Variants in CASTOR1 observed in about 807,000 individuals in gnomAD.
CASTOR1 encodes the protein GATS protein like 3.
CASTOR1 carries 18 observed loss-of-function variants against 33.7 expected under a neutral mutation model. The ratio of observed to expected loss-of-function variants is 0.53; its 90% CI spans 0.37 to 0.79. CASTOR1 has a LOEUF of 0.79. CASTOR1 is among the 30% of genes least tolerant of loss of function. The pLI, the probability that CASTOR1 is intolerant of heterozygous loss-of-function variation, is 0.00. For synonymous variants in CASTOR1, 175 were observed against 190.6 expected (o/e 0.92, Z 0.67); for missense variants, 362 against 446.3 (o/e 0.81, Z 1.70).
chr22:30,287,305 G>A lies in CASTOR1; in HGVS notation c.373-18C>T, dbSNP rs1194916269. The A allele has an allele frequency of 4.4e-6, 7 of 1,574,546 alleles. No homozygotes were observed. The highest frequency in any genetic ancestry group is 6.1e-6 in the Non-Finnish European group (7 of 1,156,232). The stretch of plus-strand genomic sequence containing the variant: ...TCCCGCACCTGGGCCACAGCAGATG[G>A]CACATCACATGGGCTCCCAGGTACC... On this transcript the variant is annotated intron_variant, in intron 3 of 8. Coordinates refer to ENST00000407689, the MANE Select transcript of CASTOR1 (RefSeq NM_001037666.3).
chr22:30,287,830 TG>T (rs1300103454), intron 2 of CASTOR1: 1 of 657,038 alleles, frequency 1.5e-6, no homozygotes, highest in Admixed American at 2.1e-5. Flanking sequence ...TCTTATGACC[TG>T]GGGTGGGTGA....
intron 1 of CASTOR1, 55 bp from the exon 2 acceptor site, chr22:30,288,831 G>C: frequency 6.7e-7 from 1 of 1,482,910 alleles, no homozygotes; most frequent in South Asian, 1.2e-5. Context: ...GGGGTCGGGA[G>C]TGGATTTCTC....
In CASTOR1 at chr22:30,289,478, T is replaced by C; in HGVS notation, c.20A>G (p.Glu7Gly). 6.3e-7 allele frequency: 1 copy of C among 1,593,608 alleles called. No individual in the cohort carries two copies. The highest frequency in any genetic ancestry group is 8.5e-7 in the Non-Finnish European group (1 of 1,174,502). The part of the protein sequence containing the change: MELHIL[E>G]HRVRVLSVAR... ...GACGCTCAGCACCCGCACCCGGTGT[T>C]CTAGGATGTGCAGCTCCATCGCGGC... The change falls in exon 1 of 9, where the codon GAA (glutamate) becomes GGA (glycine). Residue 7 changes from glutamate (E) to glycine (G), a missense_variant. Coordinates refer to ENST00000407689, the MANE Select transcript of CASTOR1 (RefSeq NM_001037666.3).
intron 5 of CASTOR1, 26 bp downstream of exon 5, chr22:30,286,799 G>T: frequency 1.2e-6 from 2 of 1,613,808 alleles, no homozygotes; most frequent in Non-Finnish European, 8.5e-7. Context: ...GTGCTGTGAG[G>T]ACAAAGACGA....
At chr22:30,285,737 G>A (rs1929739247) in intron 8 of CASTOR1, 49 bp from the exon 9 acceptor site, 1 of 1,532,078 alleles carries the variant, frequency 6.5e-7, no homozygotes, top group African/African-American at 1.4e-5. Flanking sequence ...AGCTGGCCAG[G>A]GCCACCCCTG....
intron 5 of CASTOR1, chr22:30,286,609 C>T (rs1929776962): frequency 2.8e-6 from 2 of 704,848 alleles, no homozygotes; most frequent in South Asian, 1.7e-5. Context: ...GAGGGCCAGA[C>T]CAGGGCATGG....
At chr22:30,288,580 G>T in intron 2 of CASTOR1, 126 bp downstream of exon 2, 2 of 745,248 alleles carry the variant, frequency 2.7e-6, no homozygotes, top group South Asian at 1.7e-5. Flanking sequence ...AGTAGGATTC[G>T]AACCCCGACC....
chr22:30,285,830 A>AG lies in CASTOR1; in HGVS notation c.921+1_921+2insC, dbSNP rs780677610. ...CCCTCTGCCCCAGCCCTTGGTGCTC[A>AG]CCAGGGCGTGGTCGAAGTTGAAGGT... On this transcript the variant is annotated splice_donor_variant, in intron 8 of 8. Transcript: ENST00000407689. LOFTEE classifies it high-confidence loss of function. The AG allele has an allele frequency of 2.6e-6, 1 of 380,910 alleles. No homozygotes were observed. The highest frequency in any genetic ancestry group is 3.6e-6 in the Non-Finnish European group (1 of 280,208). 23.6% of individuals were successfully genotyped at this position (380,910 alleles called of 1,614,324 possible). A position where few individuals can be genotyped will look rare whatever the true frequency, so the allele number is the denominator to read the frequency against.
chr22:30,285,728 G>T, intron 8 of CASTOR1, 40 bp from the exon 9 acceptor site: 1 of 1,532,928 alleles, frequency 6.5e-7, no homozygotes, highest in Non-Finnish European at 8.8e-7. Context: ...CAAGGCGGAA[G>T]CTGGCCAGGG....
intron 6 of CASTOR1, 54 bp from the exon 7 acceptor site, chr22:30,286,152 C>T (rs1029674366): frequency 2.1e-5 from 31 of 1,454,920 alleles, no homozygotes; most frequent in Admixed American, 5.8e-5. Flanking sequence ...CCTGCCTGAC[C>T]GTGAGCTCTG....
intron 6 of CASTOR1, 74 bp from the exon 7 acceptor site, chr22:30,286,172 CA>C: frequency 7.0e-7 from 1 of 1,425,180 alleles, no homozygotes; most frequent in Admixed American, 1.9e-5. Context: ...GGGACAGGTA[CA>C]CCTGCTGACC....
intron 2 of CASTOR1, chr22:30,287,902 C>T (rs1186239380): frequency 5.6e-6 from 3 of 531,052 alleles, no homozygotes; most frequent in Non-Finnish European, 1.1e-5. Flanking sequence ...ACTACGGTGT[C>T]TTCTGTGGGT....
chr22:30,286,825 C>T lies in CASTOR1; in HGVS notation c.629G>A (p.Ser210Asn). ...TLIDVLFYSHSTPKEAASSSP... is the reference protein window; with the variant it reads ...TLIDVLFYSHNTPKEAASSSP... ...ACAAAGACGAAGTTCCAAGGTCCACCTGTGCGAGTAGAAGAGGACATCTAT... is the reference window on the plus strand; with the variant it reads ...ACAAAGACGAAGTTCCAAGGTCCACTTGTGCGAGTAGAAGAGGACATCTAT... Residue 210 changes from serine to asparagine, a missense_variant and splice_region_variant, in exon 5 of 9, where the codon AGC becomes AAC. Ser to Asn is a conservative substitution (Grantham distance 46, BLOSUM62 1). Transcript: ENST00000407689. 1 of 1,613,950 alleles carries T rather than the reference C, an allele frequency of 6.2e-7. No individual in the cohort carries two copies. The highest frequency in any genetic ancestry group is 8.5e-7 in the Non-Finnish European group (1 of 1,179,948).
chr22:30,287,039 T>TC, intron 4 of CASTOR1, 91 bp from the exon 5 acceptor site: 1 of 1,554,084 alleles, frequency 6.4e-7, no homozygotes, highest in Non-Finnish European at 8.7e-7. Flanking sequence ...CAGGGGCAGG[T>TC]CTTGCTATCC....
At chr22:30,288,285 C>T (rs1929835340) in intron 2 of CASTOR1, among the ~76,000 whole-genome samples, 2 of 151,930 alleles carry the variant, frequency 1.3e-5, no homozygotes, top group African/African-American at 4.9e-5. Flanking sequence ...TTCCCTCAGA[C>T]TCCTGGAGTT....
In CASTOR1 at chr22:30,287,153, A is replaced by G; in HGVS notation, c.505+2T>C. On this transcript the variant is annotated splice_donor_variant, in intron 4 of 8. Transcript: ENST00000407689. LOFTEE classifies it high-confidence loss of function. ...GTCCAAGTGTCAGGGGGCGGCCCTC[A>G]CCATGCTGAGTGCGGGGAAAGCCAT... is the stretch of plus-strand genomic sequence containing the variant. 1 of 1,609,298 alleles carries G rather than the reference A, an allele frequency of 6.2e-7. No individual in the cohort carries two copies. Among genetic ancestry groups the G allele is most frequent in the Non-Finnish European group, 8.5e-7 (1 of 1,177,052 alleles).
chr22:30,285,833 A>C lies in CASTOR1; in HGVS notation c.920T>G (p.Leu307Arg), dbSNP rs201496296. 4 of 401,776 alleles carry C rather than the reference A, an allele frequency of 1.0e-5. No individual in the cohort carries two copies. Among genetic ancestry groups the C allele is most frequent in the African/African-American group, 2.6e-4 (2 of 7,626 alleles). The allele number at this position is 401,776 out of a possible 1,614,324, so 24.9% of individuals were successfully genotyped here. Residue 307 changes from leucine (L) to arginine (R), a missense_variant and splice_region_variant, in exon 8 of 9, where the codon CTG becomes CGG. By Grantham distance (102) the Leu-to-Arg change is moderately radical (BLOSUM62 -2). Coordinates refer to ENST00000407689, the MANE Select transcript of CASTOR1 (RefSeq NM_001037666.3). ...TCTGCCCCAGCCCTTGGTGCTCACC[A>C]GGGCGTGGTCGAAGTTGAAGGTGCT... Reference protein sequence around the residue: ...YISTFNFDHALVPEDGIGSVI... With the variant: ...YISTFNFDHARVPEDGIGSVI...
At chr22:30,288,111 G>A (rs1929829769) in intron 2 of CASTOR1, among the ~76,000 whole-genome samples, 1 of 152,270 alleles carries the variant, frequency 6.6e-6, no homozygotes, top group African/African-American at 2.4e-5. Flanking sequence ...GGCAGGGCCA[G>A]CAGCAGGAGG....
rs765960916 is a variant in CASTOR1, at chr22:30,289,379, G to A, written c.113+6C>T. On this transcript the variant is annotated splice_donor_region_variant and intron_variant, in intron 1 of 8. Transcript: ENST00000407689. The stretch of plus-strand genomic sequence containing the variant: ...CCTATCTGCGCTCCCGAACCCGGGC[G>A]CGCACCGGCTGCGGCGGGGCAGGAA... The A allele has an allele frequency of 3.1e-6, 5 of 1,593,622 alleles. No individual in the cohort carries two copies. Among genetic ancestry groups the A allele is most frequent in the East Asian group, 2.3e-5 (1 of 44,114 alleles).
Sources: gnomAD v4.1 joint callset for allele counts (sites outside exome capture counted in the v4.1 genomes callset) on GRCh38, gnomAD v4.1.1 for gene constraint, MANE v1.5 for transcripts, NCBI Gene and HGNC (gene_info 2026-07-23, HGNC 2026-07-21) for gene names.